PI4KA: variants seen among roughly 807,000 people sequenced by gnomAD.
PI4KA encodes the protein PI4-kinase alpha.
In PI4KA, 122 loss-of-function variants were observed where a neutral mutation model predicts 271.4. That is an observed-to-expected ratio of 0.45 (90% CI 0.39 to 0.52). The LOEUF is 0.52. Among genes scored for constraint, PI4KA ranks in the 20% least tolerant of loss-of-function variants. The pLI is 0.00. For synonymous variants in PI4KA, 1,041 were observed against 1,078.8 expected (o/e 0.96, Z 0.69); for missense variants, 1,969 against 2,769.1 (o/e 0.71, Z 6.48).
At chr22:20,799,551 T>C (rs962979721) in intron 15 of PI4KA, 120 bp downstream of exon 15, 7 of 782,864 alleles carry the variant, frequency 8.9e-6, no homozygotes, top group South Asian at 1.6e-5. Context: ...CCCTGATACA[T>C]GCCTATGCTC....
intron 30 of PI4KA, chr22:20,742,995 C>G: frequency 1.8e-6 from 1 of 545,706 alleles, no homozygotes; most frequent in South Asian, 2.2e-5. Flanking sequence ...AGTGCCACCA[C>G]TGCAGATGTT....
At chr22:20,856,690 C>A (rs1927641275) in intron 1 of PI4KA, among the ~76,000 whole-genome samples, 4 of 152,176 alleles carry the variant, frequency 2.6e-5, no homozygotes, top group Admixed American at 2.6e-4. Flanking sequence ...GTCTCAGCCT[C>A]CCAAAGTGCT....
At position 20,738,969 on chromosome 22, in the gene PI4KA, G is replaced by A. The variant is rs548055878; in HGVS notation, c.3741+3259C>T. 4.0e-5 allele frequency among the ~76,000 whole-genome samples: 6 copies of A among 149,562 alleles called. No homozygotes were observed. In the South Asian group the frequency reaches 6.4e-4, roughly 16 times the overall value. On this transcript the variant is annotated intron_variant, in intron 32 of 54. Transcript: ENST00000255882. ...TGTAATCCCAGCACTTGGGGAGGCC[G>A]AGGCAGGCGGATCACAAGGTCAGGA...
At chr22:20,711,975 C>T (rs1925340149) in intron 50 of PI4KA, among the ~76,000 whole-genome samples, 1 of 151,936 alleles carries the variant, frequency 6.6e-6, no homozygotes, top group African/African-American at 2.4e-5. Flanking sequence ...GATCTCTTGA[C>T]CTCATGATCT....
intron 2 of PI4KA, among the ~76,000 whole-genome samples, chr22:20,837,519 A>C (rs1465008295): frequency 1.3e-5 from 2 of 152,166 alleles, no homozygotes; most frequent in Non-Finnish European, 2.9e-5. Context: ...CCAATGTACA[A>C]ATACTGTTAA....
Position 20,858,704 on chromosome 22 carries a change from C to CG in PI4KA, c.21_22insC (p.Gly8ArgfsTer65). On this transcript the variant is annotated frameshift_variant, in exon 1 of 55. Coordinates refer to ENST00000255882, the MANE Select transcript of PI4KA (RefSeq NM_058004.4). LOFTEE classifies it high-confidence loss of function. ...CCGCCTCCGCCTCCGCCTCCGCCTCCCCGGGCCGGGGCCGCCGCCATCACC... is the reference window on the plus strand; with the variant it reads ...CCGCCTCCGCCTCCGCCTCCGCCTCCGCCGGGCCGGGGCCGCCGCCATCACC... The CG allele has an allele frequency of 6.8e-7, 1 of 1,462,006 alleles. No homozygotes were observed. The highest frequency in any genetic ancestry group is 9.0e-7 in the Non-Finnish European group (1 of 1,111,752). The allele number at this position is 1,462,006 out of a possible 1,614,324, so 90.6% of individuals were successfully genotyped here.
intron 45 of PI4KA, among the ~76,000 whole-genome samples, chr22:20,715,028 T>C (rs866987538): frequency 2.4e-4 from 37 of 151,340 alleles, no homozygotes; most frequent in Middle Eastern, 3.5e-3. Flanking sequence ...CTGTCCTGCC[T>C]CCACCTGCCT....
intron 23 of PI4KA, among the ~76,000 whole-genome samples, chr22:20,758,459 C>CTTTTTTTTTTTTTTTTTTTT (rs35401829): frequency 8.2e-5 from 7 of 85,024 alleles, no homozygotes; most frequent in Non-Finnish European, 1.3e-4. Context: ...TCTTTCTTTT[C>CTTTTTTTTTTTTTTTTTTTT]TTTTTTTTTT....
At chr22:20,769,322 T>A (rs1286981060) in intron 19 of PI4KA, among the ~76,000 whole-genome samples, 1 of 152,160 alleles carries the variant, frequency 6.6e-6, no homozygotes, top group African/African-American at 2.4e-5. Context: ...CTGGCCACTG[T>A]CTTGGCTGAG....
chr22:20,725,959 C>T (rs546944174), intron 42 of PI4KA, among the ~76,000 whole-genome samples: 4 of 151,228 alleles, frequency 2.6e-5, no homozygotes, highest in African/African-American at 7.3e-5. Flanking sequence ...AAGGAAACAA[C>T]CCTGTTCGAA....
chr22:20,791,782 T>C (rs1934660890), intron 19 of PI4KA, among the ~76,000 whole-genome samples: 2 of 151,660 alleles, frequency 1.3e-5, no homozygotes, highest in Admixed American at 1.3e-4. Flanking sequence ...TAAAAATAAA[T>C]CAACCAATGG....
intron 14 of PI4KA, among the ~76,000 whole-genome samples, chr22:20,801,173 A>G (rs1169180564): frequency 6.6e-6 from 1 of 151,106 alleles, no homozygotes; most frequent in Admixed American, 6.6e-5. Flanking sequence ...TACAGGCTTG[A>G]GCCACCACAC....
At chr22:20,852,297 G>C (rs542308934) in intron 1 of PI4KA, among the ~76,000 whole-genome samples, 1 of 152,280 alleles carries the variant, frequency 6.6e-6, no homozygotes, top group South Asian at 2.1e-4. Context: ...CTGCAGTAAG[G>C]AGTGAGAAAT....
intron 17 of PI4KA, among the ~76,000 whole-genome samples, chr22:20,797,440 T>C (rs1055329328): frequency 2.0e-5 from 3 of 152,064 alleles, no homozygotes; most frequent in Non-Finnish European, 2.9e-5. Flanking sequence ...AGCAGTCACA[T>C]AGGCGCAAGG....
chr22:20,769,838 C>A (rs1932794135), intron 19 of PI4KA, among the ~76,000 whole-genome samples: 1 of 152,104 alleles, frequency 6.6e-6, no homozygotes, highest in Non-Finnish European at 1.5e-5. Context: ...TTGGACTAGA[C>A]ATGTGATATA....
At chr22:20,725,538 G>T (rs746326477) in intron 42 of PI4KA, 1 of 451,104 alleles carries the variant, frequency 2.2e-6, no homozygotes, top group South Asian at 1.6e-5. Context: ...TATAAGGGGA[G>T]ATTAGGACAC....
chr22:20,785,664 A>C (rs1278360428), intron 19 of PI4KA, among the ~76,000 whole-genome samples: 1 of 152,192 alleles, frequency 6.6e-6, no homozygotes, highest in Admixed American at 6.5e-5. Context: ...AAAAAACCAA[A>C]TGCCTAAAAT....
intron 18 of PI4KA, 48 bp downstream of exon 18, chr22:20,796,098 G>A (rs778902692): frequency 1.5e-4 from 234 of 1,550,712 alleles, no homozygotes; most frequent in Middle Eastern, 3.5e-4. Flanking sequence ...GCCTTGGCCA[G>A]CAGGGATAGG....
At chr22:20,823,921 CAG>C (rs1216064695) in intron 4 of PI4KA, among the ~76,000 whole-genome samples, 1 of 152,018 alleles carries the variant, frequency 6.6e-6, no homozygotes. Flanking sequence ...GCCTGGATGA[CAG>C]AGCAAGACTG....
Sources: allele counts gnomAD v4.1 joint callset (sites outside exome capture counted in the v4.1 genomes callset), GRCh38; gene constraint gnomAD v4.1.1; transcripts MANE v1.5; gene names NCBI Gene and HGNC (gene_info 2026-07-23, HGNC 2026-07-21).